Variants in GPR119 observed in about 807,000 individuals in gnomAD.
GPR119 encodes G protein-coupled receptor 119.
GPR119 carries 7 observed loss-of-function variants against 13.3 expected under a neutral mutation model. The observed-to-expected ratio is 0.53, with a 90% CI of 0.30 to 0.99. GPR119 has a LOEUF of 0.99. Among genes scored for constraint, GPR119 ranks in the 50% least tolerant of loss-of-function variants. GPR119 has a pLI of 0.06. For missense variants in GPR119, 197 were observed against 263.0 expected (o/e 0.75, Z 1.74); for synonymous variants, 107 against 112.5 (o/e 0.95, Z 0.31).
chrX:130,383,216 G>T (rs1390870674), intron 1 of GPR119, among the ~76,000 whole-genome samples: 2 of 111,753 alleles, frequency 1.8e-5, no homozygotes. Context: ...GTTTTTTGCT[G>T]CCAGGTTGCC....
intron 1 of GPR119, among the ~76,000 whole-genome samples, chrX:130,383,476 C>G (rs2124779975): frequency 8.9e-6 from 1 of 112,091 alleles, no homozygotes; most frequent in South Asian, 3.7e-4. Flanking sequence ...AATTTGTGAT[C>G]CAGCATTGTC....
chrX:130,380,406 A>T lies in GPR119; in HGVS notation c.*2150T>A, dbSNP rs2034353560. On this transcript the variant is annotated 3_prime_UTR_variant, in exon 2 of 2. Transcript: ENST00000682440. ...GTGTTGGTCAGGGTAACCTGCCTCT[A>T]ACACTTGTGAAACCACTTAAAACAC... is the stretch of plus-strand genomic sequence containing the variant. Among the ~76,000 whole-genome samples, 1 of 112,586 alleles carries T rather than the reference A, an allele frequency of 8.9e-6. No individual in the cohort carries two copies. The highest frequency in any genetic ancestry group is 1.9e-5 in the Non-Finnish European group (1 of 53,321).
chrX:130,381,239 C>T lies in GPR119; in HGVS notation c.*1317G>A, dbSNP rs912057929. On this transcript the variant is annotated 3_prime_UTR_variant, in exon 2 of 2. Transcript: ENST00000682440. The stretch of plus-strand genomic sequence containing the variant: ...GACCTTGGCTCACTGCAACCTCTGC[C>T]GCCCAGGTTCAAGCGATTTTCCTGC... Among the ~76,000 whole-genome samples the T allele has an allele frequency of 1.8e-5, 2 of 111,300 alleles. No homozygotes were observed. Among genetic ancestry groups the T allele is most frequent in the Non-Finnish European group, 3.8e-5 (2 of 53,017 alleles).
At position 130,382,058 on chromosome X, in the gene GPR119, TA is replaced by T. The variant is rs1261027059; in HGVS notation, c.*497del. On this transcript the variant is annotated 3_prime_UTR_variant, in exon 2 of 2. Coordinates refer to ENST00000682440, the MANE Select transcript of GPR119 (RefSeq NM_178471.3). ...GCTTTTCTGTACTTAAAAATATATA[TA>T]TTTTTTATTTTTAATTGACAAATAA... Among the ~76,000 whole-genome samples, 5 of 110,413 alleles carry T rather than the reference TA, an allele frequency of 4.5e-5. No individual in the cohort carries two copies. Among genetic ancestry groups the T allele is most frequent in the Non-Finnish European group, 9.4e-5 (5 of 53,101 alleles).
rs76791368 is a variant in GPR119, at chrX:130,381,145, T to G, written c.*1411A>C. Among the ~76,000 whole-genome samples, 21 of 109,574 alleles carry G rather than the reference T, an allele frequency of 1.9e-4. No individual in the cohort carries two copies. Among genetic ancestry groups the G allele is most frequent in the Admixed American group, 4.8e-4 (5 of 10,353 alleles). On this transcript the variant is annotated 3_prime_UTR_variant, in exon 2 of 2. Coordinates refer to ENST00000682440, the MANE Select transcript of GPR119 (RefSeq NM_178471.3). Reference sequence around the variant, plus strand: ...AACACAGTGTTGTTGCTGTTTTTTTTTTTGTTTGTTTGTTTGTTTTTTTGA... The same window carrying G: ...AACACAGTGTTGTTGCTGTTTTTTTGTTTGTTTGTTTGTTTGTTTTTTTGA...
Position 130,381,140 on chromosome X carries a change from T to TC in GPR119, c.*1415_*1416insG, listed in dbSNP as rs1255861489. Reference sequence around the variant, plus strand: ...TATTAAACACAGTGTTGTTGCTGTTTTTTTTTTTGTTTGTTTGTTTGTTTT... The same window carrying TC: ...TATTAAACACAGTGTTGTTGCTGTTTCTTTTTTTTGTTTGTTTGTTTGTTTT... On this transcript the variant is annotated 3_prime_UTR_variant, in exon 2 of 2. Transcript: ENST00000682440. Among the ~76,000 whole-genome samples, 2 of 83,708 alleles carry TC rather than the reference T, an allele frequency of 2.4e-5. No homozygotes were observed. The highest frequency in any genetic ancestry group is 8.5e-5 in the African/African-American group (2 of 23,656). The allele number at this position is 83,708 out of a possible 115,157, so 72.7% of individuals were successfully genotyped here.
Position 130,381,174 on chromosome X carries a change from G to A in GPR119, c.*1382C>T, listed in dbSNP as rs906711778. Among the ~76,000 whole-genome samples the A allele has an allele frequency of 1.8e-5, 2 of 109,828 alleles. No homozygotes were observed. The highest frequency in any genetic ancestry group is 3.3e-5 in the African/African-American group (1 of 30,017). On this transcript the variant is annotated 3_prime_UTR_variant, in exon 2 of 2. Coordinates refer to ENST00000682440, the MANE Select transcript of GPR119 (RefSeq NM_178471.3). Reference sequence around the variant, plus strand: ...GTTTGTTTGTTTGTTTTTTTGAGACGGAGTCTCACTCTGTTGCCCAGGCTG... The same window carrying A: ...GTTTGTTTGTTTGTTTTTTTGAGACAGAGTCTCACTCTGTTGCCCAGGCTG...
Position 130,380,420 on chromosome X carries a change from C to T in GPR119, c.*2136G>A, listed in dbSNP as rs1922336193. ...AACCTGCCTCTAACACTTGTGAAAC[C>T]ACTTAAAACACCTCTGTACAGAGGC... On this transcript the variant is annotated 3_prime_UTR_variant, in exon 2 of 2. Coordinates refer to ENST00000682440, the MANE Select transcript of GPR119 (RefSeq NM_178471.3). Among the ~76,000 whole-genome samples the T allele has an allele frequency of 8.9e-6, 1 of 112,606 alleles. No homozygotes were observed. Among genetic ancestry groups the T allele is most frequent in the African/African-American group, 3.2e-5 (1 of 31,022 alleles).
chrX:130,384,558 A>C lies in GPR119; in HGVS notation c.890T>G (p.Val297Gly), dbSNP rs1478947340. ...GAGGAATGAGGTGAGCACCTTCTTC[A>C]CTCCTAGGGCCATGTGGTAGAGCTG... ...RLQLYHMALG[V>G]KKVLTSFLLF... Residue 297 changes from valine to glycine, a missense_variant, in exon 1 of 2, where the codon GTG (valine) becomes GGG (glycine). Physicochemically the swap from Val to Gly is moderately radical, Grantham distance 109. Transcript: ENST00000682440. 1.7e-6 allele frequency: 2 copies of C among 1,210,936 alleles called. No individual in the cohort carries two copies. The highest frequency in any genetic ancestry group is 3.5e-5 in the South Asian group (2 of 56,960).
In GPR119 at chrX:130,384,473, G is replaced by C; in HGVS notation, c.975C>G (p.Ile325Met). ...CAAACTCTGAGCTGGAGATAGTGACGATGTGACAGGAACTTTCCCTGGGCC... is the reference window on the plus strand; with the variant it reads ...CAAACTCTGAGCTGGAGATAGTGACCATGTGACAGGAACTTTCCCTGGGCC... ...PERPRESSCH[I>M]VTISSSEFDG is the part of the protein sequence containing the mutation. The change falls in exon 1 of 2, where the codon ATC becomes ATG. Residue 325 changes from isoleucine to methionine, a missense_variant. By Grantham distance (10) the Ile-to-Met change is conservative. Transcript: ENST00000682440. The C allele has an allele frequency of 8.3e-7, 1 of 1,211,235 alleles. No homozygotes were observed. The highest frequency in any genetic ancestry group is 1.1e-6 in the Non-Finnish European group (1 of 895,107).
In GPR119 at chrX:130,384,870, G is replaced by A; in HGVS notation, c.578C>T (p.Ser193Phe). The A allele has an allele frequency of 8.3e-7, 1 of 1,212,040 alleles. No homozygotes were observed. Among genetic ancestry groups the A allele is most frequent in the Non-Finnish European group, 1.1e-6 (1 of 895,481 alleles). The change falls in exon 1 of 2, where the codon TCC (serine) becomes TTC (phenylalanine). Residue 193 changes from serine to phenylalanine, a missense_variant. Physicochemically the swap from Ser to Phe is radical, Grantham distance 155. Coordinates refer to ENST00000682440, the MANE Select transcript of GPR119 (RefSeq NM_178471.3). The stretch of plus-strand genomic sequence containing the variant: ...CTTTCGAATCTGCTGGCTGTGCATG[G>A]AGGCAATCTTGAGCATGTCGCAGTA... Reference protein sequence around the residue: ...FFYCDMLKIASMHSQQIRKME... With the variant: ...FFYCDMLKIAFMHSQQIRKME...
rs1382490536 is a variant in GPR119, at chrX:130,384,820, C to T, written c.628G>A (p.Gly210Arg). ...GGAGTCCGTGGGGATCGATAACCTC[C>T]AGCCATGGCTCCTGCATGTTCCATC... is the stretch of plus-strand genomic sequence containing the variant. ...RKMEHAGAMA[G>R]GYRSPRTPSD... The change falls in exon 1 of 2, where the codon GGA (glycine) becomes AGA (arginine). Residue 210 changes from glycine (G) to arginine (R), a missense_variant. Transcript: ENST00000682440. 4.1e-6 allele frequency: 5 copies of T among 1,212,071 alleles called. No individual in the cohort carries two copies. The highest frequency in any genetic ancestry group is 5.6e-6 in the Non-Finnish European group (5 of 895,586).
In GPR119 at chrX:130,382,126, T is replaced by A. The variant is rs1008823861; in HGVS notation, c.*430A>T. Among the ~76,000 whole-genome samples the A allele has an allele frequency of 1.8e-5, 2 of 109,220 alleles. No homozygotes were observed. Among genetic ancestry groups the A allele is most frequent in the Admixed American group, 1.0e-4 (1 of 10,015 alleles). 94.8% of individuals were successfully genotyped at this position (109,220 alleles called of 115,157 possible). On this transcript the variant is annotated 3_prime_UTR_variant, in exon 2 of 2. Coordinates refer to ENST00000682440, the MANE Select transcript of GPR119 (RefSeq NM_178471.3). ...GGGTACAATGTGATGTTGATATATG[T>A]TTAAAATGTGGAATGATTAAATCAG...
intron 1 of GPR119, among the ~76,000 whole-genome samples, chrX:130,384,025 C>G (rs2034369547): frequency 8.9e-6 from 1 of 112,219 alleles, no homozygotes; most frequent in Non-Finnish European, 1.9e-5. Context: ...ATTAGTTTTG[C>G]CTGTTTCTTT....
In GPR119 at chrX:130,385,358, C is replaced by T; in HGVS notation, c.90G>A (p.Leu30=). The T allele has an allele frequency of 8.3e-7, 1 of 1,211,292 alleles. No homozygotes were observed. Among genetic ancestry groups the T allele is most frequent in the Non-Finnish European group, 1.1e-6 (1 of 894,924 alleles). Residue 30 remains leucine, a synonymous_variant, in exon 1 of 2, where the codon CTG becomes CTA. Transcript: ENST00000682440. The part of the protein sequence containing the change: ...ATNTLVAVAV[L]LLIHKNDGVS... ...CACCATCATTCTTGTGGATCAACAG[C>T]AGCACAGCCACAGCCACTAGTGTGT...
rs1396096134 is a variant in GPR119 at position 130,379,742 on chromosome X, CAG to C, written c.*2812_*2813del. 8.9e-6 allele frequency among the ~76,000 whole-genome samples: 1 copy of C among 112,053 alleles called. No homozygotes were observed. Among genetic ancestry groups the C allele is most frequent in the Non-Finnish European group, 1.9e-5 (1 of 53,244 alleles). On this transcript the variant is annotated 3_prime_UTR_variant, in exon 2 of 2. Coordinates refer to ENST00000682440, the MANE Select transcript of GPR119 (RefSeq NM_178471.3). ...GAAAAAAACAGATGAAGGAGAATAACAGTGGTCATCTCTGGATAGTATAATTA... is the reference window on the plus strand; with the variant it reads ...GAAAAAAACAGATGAAGGAGAATAACTGGTCATCTCTGGATAGTATAATTA...
Position 130,385,265 on chromosome X carries a change from T to G in GPR119, c.183A>C (p.Leu61=). Residue 61 remains leucine (L), a synonymous_variant, in exon 1 of 2, where the codon CTA becomes CTC. Transcript: ENST00000682440. ...AAGGGCTGGAGAGCTGGTCTGTGAG[T>G]AGGCCAGAGATGGCCACACCAATCA... The part of the protein sequence containing the change: ...DTLIGVAISG[L]LTDQLSSPSR... The G allele has an allele frequency of 8.3e-7, 1 of 1,211,078 alleles. No homozygotes were observed.
Position 130,380,800 on chromosome X carries a change from C to T in GPR119, c.*1756G>A, listed in dbSNP as rs777774051. Among the ~76,000 whole-genome samples, 5 of 112,364 alleles carry T rather than the reference C, an allele frequency of 4.4e-5. No individual in the cohort carries two copies. In the Admixed American group the frequency reaches 4.7e-4, roughly 11 times the overall value. On this transcript the variant is annotated 3_prime_UTR_variant, in exon 2 of 2. Transcript: ENST00000682440. ...ACAGTGAGCTATGATCGCACCACTGCACTCCAGCCTGGGTGATGAGCGAGA... is the reference window on the plus strand; with the variant it reads ...ACAGTGAGCTATGATCGCACCACTGTACTCCAGCCTGGGTGATGAGCGAGA...
chrX:130,384,850 G>C lies in GPR119; in HGVS notation c.598C>G (p.Arg200Gly), dbSNP rs201745966. 1 of 1,211,962 alleles carries C rather than the reference G, an allele frequency of 8.3e-7. No homozygotes were observed. The highest frequency in any genetic ancestry group is 1.1e-6 in the Non-Finnish European group (1 of 895,540). Residue 200 changes from arginine (R) to glycine (G), a missense_variant, in exon 1 of 2, where the codon CGA becomes GGA. Physicochemically the swap from Arg to Gly is moderately radical, Grantham distance 125 (BLOSUM62 -2). Transcript: ENST00000682440. ...KIASMHSQQIRKMEHAGAMAG... is the reference protein window; with the variant it reads ...KIASMHSQQIGKMEHAGAMAG... ...ATGGCTCCTGCATGTTCCATCTTTC[G>C]AATCTGCTGGCTGTGCATGGAGGCA... is the stretch of plus-strand genomic sequence containing the variant.
Sources: gnomAD v4.1 joint callset for allele counts (sites outside exome capture counted in the v4.1 genomes callset) on GRCh38, gnomAD v4.1.1 for gene constraint, MANE v1.5 for transcripts, NCBI Gene and HGNC (gene_info 2026-07-23, HGNC 2026-07-21) for gene names.